Variants in SASH1 observed in about 807,000 individuals in gnomAD.
SASH1 encodes SAM and SH3 domain containing 1.
Under a neutral mutation model 125.2 loss-of-function variants are expected in SASH1, and 44 were observed. The observed-to-expected ratio is 0.35, with a 90% CI of 0.28 to 0.45. The LOEUF is 0.45. Ranked by LOEUF, SASH1 falls within the 20% of genes least tolerant of loss-of-function variation. The pLI is 1.00. For missense variants in SASH1, 1,426 were observed against 1,614.5 expected (o/e 0.88, Z 2.00); for synonymous variants, 639 against 649.1 (o/e 0.98, Z 0.24).
rs5880793 is a variant in SASH1 at position 148,549,065 on chromosome 6, G to GAAA, written c.*522_*524dup. On this transcript the variant is annotated 3_prime_UTR_variant, in exon 20 of 20. Coordinates refer to ENST00000367467, the MANE Select transcript of SASH1 (RefSeq NM_015278.5). ...AAGTTAGAACATCTGGCTGCACCAGGAAAAAAAAAAAAAAAAAGTCCTGTT... is the reference window on the plus strand; with the variant it reads ...AAGTTAGAACATCTGGCTGCACCAGGAAAAAAAAAAAAAAAAAAAAGTCCTGTT... 7 of 130,198 alleles carry GAAA rather than the reference G, an allele frequency of 5.4e-5. No individual in the cohort carries two copies. The highest frequency in any genetic ancestry group is 1.2e-4 in the Non-Finnish European group (7 of 60,462). The allele number at this position is 130,198 out of a possible 1,614,324, so 8.1% of individuals were successfully genotyped here. A position where few individuals can be genotyped will look rare whatever the true frequency, so the allele number is the denominator to read the frequency against.
At chr6:148,405,720 A>G (rs1179146917) in intron 2 of SASH1, among the ~76,000 whole-genome samples, 1 of 151,600 alleles carries the variant, frequency 6.6e-6, no homozygotes, top group Non-Finnish European at 1.5e-5. Context: ...GTATGCACTC[A>G]CTCTTTCCCT....
chr6:148,207,907 T>C, the SASH1 span, among the ~76,000 whole-genome samples: 1 of 152,210 alleles, frequency 6.6e-6, no homozygotes, highest in South Asian at 2.1e-4. Flanking sequence ...GTGAATCTGA[T>C]GGTATTGAAT....
chr6:148,377,205 A>C (rs1228750023), intron 1 of SASH1, among the ~76,000 whole-genome samples: 9 of 80,928 alleles, frequency 1.1e-4, no homozygotes, highest in East Asian at 9.9e-4. Context: ...CAAAAAAAAA[A>C]CAAAACAAAC....
intron 1 of SASH1, among the ~76,000 whole-genome samples, chr6:148,297,276 G>A (rs377728755): frequency 6.6e-6 from 1 of 152,116 alleles, no homozygotes; most frequent in East Asian, 1.9e-4. Flanking sequence ...TTTCCTCTTT[G>A]GTTTGTTTAT....
intron 1 of SASH1, among the ~76,000 whole-genome samples, chr6:148,317,820 T>C (rs1045264703): frequency 6.6e-6 from 1 of 152,236 alleles, no homozygotes. Flanking sequence ...CCATAGTGCA[T>C]TGCTGCCTTT....
intron 1 of SASH1, among the ~76,000 whole-genome samples, chr6:148,318,925 C>T (rs1178834393): frequency 6.8e-6 from 1 of 147,808 alleles, no homozygotes; most frequent in East Asian, 2.1e-4. Flanking sequence ...ACGGTTTTAA[C>T]AATTTAATCT....
the SASH1 span, among the ~76,000 whole-genome samples, chr6:148,221,250 A>C: frequency 6.6e-6 from 1 of 152,208 alleles, no homozygotes; most frequent in Non-Finnish European, 1.5e-5. Flanking sequence ...TTCTTCAAAT[A>C]AATCAGCTGG....
At chr6:148,362,004 C>A (rs1782240367) in intron 1 of SASH1, among the ~76,000 whole-genome samples, 1 of 149,536 alleles carries the variant, frequency 6.7e-6, no homozygotes, top group African/African-American at 2.5e-5. Context: ...AGCTCCGCCT[C>A]CCGGGTTCAT....
intron 2 of SASH1, among the ~76,000 whole-genome samples, chr6:148,397,192 T>C (rs994661355): frequency 1.3e-5 from 2 of 152,118 alleles, no homozygotes; most frequent in African/African-American, 4.8e-5. Flanking sequence ...TTTTAAAAGT[T>C]TGTTTTGTCC....
At chr6:148,365,790 A>G (rs1366980182) in intron 1 of SASH1, among the ~76,000 whole-genome samples, 7 of 151,866 alleles carry the variant, frequency 4.6e-5, no homozygotes, top group Non-Finnish European at 8.8e-5. Context: ...CTTGCACAAC[A>G]TGATGAAACC....
At chr6:148,488,771 A>G (rs1197243193) in intron 8 of SASH1, among the ~76,000 whole-genome samples, 1 of 152,312 alleles carries the variant, frequency 6.6e-6, no homozygotes, top group Non-Finnish European at 1.5e-5. Flanking sequence ...CCATTTGTGT[A>G]TCATCTTTGT....
At chr6:148,494,679 T>G (rs1779244588) in intron 8 of SASH1, among the ~76,000 whole-genome samples, 1 of 152,182 alleles carries the variant, frequency 6.6e-6, no homozygotes, top group South Asian at 2.1e-4. Flanking sequence ...AACTGTGGGC[T>G]TGTGGCCTTA....
rs944703618 is a variant in SASH1 at position 148,495,389 on chromosome 6, T to C, written c.729+7674T>C. ...TGTCGTCTTTTATAGAATCTGCTAT[T>C]GTGAGCTCAACTCAAAATTTTAAAG... On this transcript the variant is annotated intron_variant, in intron 8 of 19. Transcript: ENST00000367467. The surrounding 1 kb of genome is among the most constrained non-coding windows in gnomAD (Gnocchi z 4.0). 1.3e-5 allele frequency among the ~76,000 whole-genome samples: 2 copies of C among 152,220 alleles called. No homozygotes were observed. The highest frequency in any genetic ancestry group is 2.4e-5 in the African/African-American group (1 of 41,456).
chr6:148,541,355 G>GTACTT (rs1782206558), intron 17 of SASH1, among the ~76,000 whole-genome samples: 1 of 151,712 alleles, frequency 6.6e-6, no homozygotes, highest in East Asian at 1.9e-4. Flanking sequence ...AATGCAGGTT[G>GTACTT]TACTTTATTA....
chr6:148,374,602 A>T (rs755274807), intron 1 of SASH1, among the ~76,000 whole-genome samples: 14 of 152,140 alleles, frequency 9.2e-5, no homozygotes, highest in African/African-American at 1.7e-4. Context: ...GTAGAATGTG[A>T]CACAAAGCAA....
chr6:148,225,462 T>C, the SASH1 span, among the ~76,000 whole-genome samples: 2 of 152,124 alleles, frequency 1.3e-5, no homozygotes, highest in African/African-American at 4.8e-5. Context: ...CTAAGTAAAG[T>C]AACTCAGGAA....
chr6:148,399,574 G>A (rs1157970495), intron 2 of SASH1, among the ~76,000 whole-genome samples: 1 of 152,114 alleles, frequency 6.6e-6, no homozygotes, highest in African/African-American at 2.4e-5. Context: ...TTAATAAAAA[G>A]TAGTACACCT....
chr6:148,266,464 C>A, the SASH1 span, among the ~76,000 whole-genome samples: 7 of 152,304 alleles, frequency 4.6e-5, no homozygotes, highest in South Asian at 8.3e-4. Context: ...ACCTACCTCA[C>A]AGAGTCTTCA....
chr6:148,256,593 T>C, the SASH1 span, among the ~76,000 whole-genome samples: 14 of 152,236 alleles, frequency 9.2e-5, no homozygotes, highest in African/African-American at 3.4e-4. Context: ...GTGTGTTTTG[T>C]ATGCTTGCAA....
Sources: gnomAD v4.1 joint callset for allele counts (sites outside exome capture counted in the v4.1 genomes callset) on GRCh38, gnomAD v4.1.1 for gene constraint, Gnocchi (gnomAD v3.1) non-coding constraint, MANE v1.5 for transcripts, NCBI Gene and HGNC (gene_info 2026-07-23, HGNC 2026-07-21) for gene names.